The following IL1RAPL2 variants were observed in gnomAD, a reference collection of about 807,000 sequenced individuals.
IL1RAPL2 encodes the protein X-linked interleukin-1 receptor accessory protein-like 2.
IL1RAPL2 carries 3 observed loss-of-function variants against 44.1 expected under a neutral mutation model. The observed-to-expected ratio is 0.07, with a 90% CI of 0.03 to 0.18. The LOEUF (loss-of-function observed/expected upper bound fraction) is 0.18. Ranked by LOEUF, IL1RAPL2 falls within the 10% of genes least tolerant of loss-of-function variation. The pLI, the probability that IL1RAPL2 is intolerant of heterozygous loss-of-function variation, is 1.00. For missense variants in IL1RAPL2, 391 were observed against 496.4 expected, an observed-to-expected ratio of 0.79 and a Z score of 2.02; for synonymous variants, 181 against 178.8, an observed-to-expected ratio of 1.01 and a Z score of -0.10.
chrX:105,137,436 C>G (rs1186678022), intron 2 of IL1RAPL2, among the ~76,000 whole-genome samples: 2 of 111,390 alleles, frequency 1.8e-5, no homozygotes, highest in African/African-American at 3.3e-5. Flanking sequence ...TGGGAGGTCT[C>G]TAGAGAGCTA....
intron 2 of IL1RAPL2, among the ~76,000 whole-genome samples, chrX:105,048,704 C>A (rs1209650291): frequency 9.0e-6 from 1 of 111,632 alleles, no homozygotes; most frequent in Non-Finnish European, 1.9e-5. Context: ...GCATCACTAC[C>A]TATGAAGTAG....
chrX:105,378,122 A>G (rs2035401990), intron 5 of IL1RAPL2, among the ~76,000 whole-genome samples: 1 of 111,914 alleles, frequency 8.9e-6, no homozygotes, highest in Non-Finnish European at 1.9e-5. Flanking sequence ...TCAAAAGGAC[A>G]TTCTCCTTGT....
intron 2 of IL1RAPL2, among the ~76,000 whole-genome samples, chrX:104,764,173 T>A (rs956996823): frequency 3.8e-4 from 40 of 105,511 alleles, no homozygotes; most frequent in African/African-American, 1.3e-3. Context: ...TTGACACTAC[T>A]GATTTTTCCA....
chrX:105,219,934 C>A, intron 3 of IL1RAPL2: 1 of 1,170,984 alleles, frequency 8.5e-7, no homozygotes, highest in Non-Finnish European at 1.1e-6. Context: ...GTTGAGGGAT[C>A]TTACTGCATG....
intron 6 of IL1RAPL2, among the ~76,000 whole-genome samples, chrX:105,680,976 T>G (rs1209499993): frequency 8.9e-6 from 1 of 111,860 alleles, no homozygotes; most frequent in African/African-American, 3.3e-5. Context: ...AGAAATGTGA[T>G]TAGACAAAAG....
At chrX:105,472,043 A>G (rs1459732669) in intron 5 of IL1RAPL2, among the ~76,000 whole-genome samples, 2 of 102,831 alleles carry the variant, frequency 1.9e-5, no homozygotes, top group African/African-American at 6.9e-5. Flanking sequence ...GAATAATGGG[A>G]TGAGGTTGGG....
chrX:105,219,947 G>A, intron 3 of IL1RAPL2: 1 of 1,184,398 alleles, frequency 8.4e-7, no homozygotes, highest in Non-Finnish European at 1.1e-6. Flanking sequence ...ACTGCATGGA[G>A]CGGCTTCCAA....
At chrX:104,635,630 C>T (rs980883536) in intron 1 of IL1RAPL2, among the ~76,000 whole-genome samples, 10 of 111,921 alleles carry the variant, frequency 8.9e-5, no homozygotes, top group East Asian at 2.8e-4. Flanking sequence ...TCCAGTTGAT[C>T]GCATCGGCTA....
intron 2 of IL1RAPL2, among the ~76,000 whole-genome samples, chrX:105,149,787 T>C (rs1042828731): frequency 2.7e-5 from 3 of 110,286 alleles, no homozygotes; most frequent in Non-Finnish European, 5.7e-5. Context: ...TGAGCCAAGA[T>C]CATGCCACTG....
intron 2 of IL1RAPL2, among the ~76,000 whole-genome samples, chrX:105,074,010 T>C (rs1287686170): frequency 9.0e-6 from 1 of 111,606 alleles, no homozygotes; most frequent in East Asian, 2.8e-4. Flanking sequence ...ACTCTGATGG[T>C]GGTTTCTTTT....
At chrX:104,855,329 T>G (rs1336311287) in intron 2 of IL1RAPL2, among the ~76,000 whole-genome samples, 1 of 111,411 alleles carries the variant, frequency 9.0e-6, no homozygotes, top group African/African-American at 3.3e-5. Flanking sequence ...TGGCTACTAC[T>G]AATTCAAATG....
At chrX:104,930,986 G>A (rs1411225348) in intron 2 of IL1RAPL2, among the ~76,000 whole-genome samples, 5 of 111,001 alleles carry the variant, frequency 4.5e-5, no homozygotes, top group Admixed American at 3.8e-4. Flanking sequence ...ACTAAAAACC[G>A]ACAAACAGAA....
chrX:104,612,067 C>T (rs5962436), intron 1 of IL1RAPL2, among the ~76,000 whole-genome samples: 6,817 of 110,517 alleles, frequency 0.062, 519 homozygotes, highest in African/African-American at 0.22. Context: ...GTTTAAGTTG[C>T]TTATAGATTC....
At chrX:105,589,760 A>T (rs1409472472) in intron 6 of IL1RAPL2, among the ~76,000 whole-genome samples, 2 of 111,140 alleles carry the variant, frequency 1.8e-5, no homozygotes, top group African/African-American at 6.5e-5. Flanking sequence ...CACCTGTACC[A>T]TGCTCTGTTG....
At chrX:105,129,329 T>G (rs1330713827) in intron 2 of IL1RAPL2, among the ~76,000 whole-genome samples, 1 of 110,579 alleles carries the variant, frequency 9.0e-6, no homozygotes, top group African/African-American at 3.3e-5. Flanking sequence ...CCTCAAATAC[T>G]TTTATAAGGG....
At chrX:105,147,326 C>T (rs928518771) in intron 2 of IL1RAPL2, among the ~76,000 whole-genome samples, 3 of 111,701 alleles carry the variant, frequency 2.7e-5, no homozygotes, top group South Asian at 7.6e-4. Flanking sequence ...TAGAATTTCC[C>T]TTGAAGGTAC....
chrX:105,767,750 A>G lies in IL1RAPL2; in HGVS notation c.*89A>G. ...AAAGTACACCTAATAACGTTGTGTT[A>G]AAAAAGTGTTTGAAGAAAAAGGTAC... On this transcript the variant is annotated 3_prime_UTR_variant, in exon 11 of 11. Coordinates refer to ENST00000372582, the MANE Select transcript of IL1RAPL2 (RefSeq NM_017416.2). 1.5e-6 allele frequency: 1 copy of G among 687,497 alleles called. No individual in the cohort carries two copies. The highest frequency in any genetic ancestry group is 2.2e-6 in the Non-Finnish European group (1 of 456,454). 56.7% of individuals were successfully genotyped at this position (687,497 alleles called of 1,213,427 possible).
intron 2 of IL1RAPL2, among the ~76,000 whole-genome samples, chrX:104,822,355 T>A (rs1425565067): frequency 2.7e-5 from 3 of 112,002 alleles, no homozygotes; most frequent in Non-Finnish European, 5.6e-5. Flanking sequence ...TTGCCTAGGT[T>A]TTCTTCTAGG....
At chrX:104,826,056 C>T (rs1419503821) in intron 2 of IL1RAPL2, among the ~76,000 whole-genome samples, 1 of 112,156 alleles carries the variant, frequency 8.9e-6, no homozygotes, top group Non-Finnish European at 1.9e-5. Flanking sequence ...ATATATTACC[C>T]AGTTTTAGTT....
Sources: gnomAD v4.1 joint callset for allele counts (sites outside exome capture counted in the v4.1 genomes callset) on GRCh38, gnomAD v4.1.1 for gene constraint, MANE v1.5 for transcripts, NCBI Gene and HGNC (gene_info 2026-07-23, HGNC 2026-07-21) for gene names.